Variants in DEFB112 observed in about 807,000 individuals in gnomAD.
DEFB112 encodes beta-defensin 112.
In DEFB112, 2 loss-of-function variants were observed where a neutral mutation model predicts 1.1. The ratio of observed to expected loss-of-function variants is 1.85; its 90% CI spans 0.76 to 5.83. The LOEUF (loss-of-function observed/expected upper bound fraction) is 5.83, where lower values mean the gene tolerates loss of function less well. Among genes scored for constraint, DEFB112 ranks in the 30% most tolerant of loss-of-function variants. DEFB112 has a pLI of 0.05. For missense variants in DEFB112, 120 were observed against 94.4 expected (o/e 1.27, Z -1.12); for synonymous variants, 40 against 31.2 (o/e 1.28, Z -0.93).
At position 50,043,639 on chromosome 6, in the gene DEFB112, T is replaced by C. The variant is rs748821056; in HGVS notation, c.221A>G (p.Asn74Ser). 1.8e-5 allele frequency: 29 copies of C among 1,613,550 alleles called. No individual in the cohort carries two copies. The highest frequency in any genetic ancestry group is 1.7e-4 in the Middle Eastern group (1 of 6,054). The change falls in exon 2 of 2, where the codon AAT becomes AGT. Residue 74 changes from asparagine to serine, a missense_variant. Transcript: ENST00000651554. Reference protein sequence around the residue: ...CVTECDPTDPNNWIPKDSVGT... With the variant: ...CVTECDPTDPSNWIPKDSVGT... ...TACTGAGTCCTTTGGGATCCAATTA[T>C]TTGGGTCCGTAGGGTCACATTCTGT...
intron 1 of DEFB112, among the ~76,000 whole-genome samples, chr6:50,044,774 A>C (rs1774805978): frequency 6.6e-6 from 1 of 152,080 alleles, no homozygotes; most frequent in Non-Finnish European, 1.5e-5. Context: ...ATAAGCATGC[A>C]TTGCTGGACA....
chr6:50,043,427 T>C lies in DEFB112; in HGVS notation c.*148A>G. The C allele has an allele frequency of 3.4e-6, 2 of 588,140 alleles. No individual in the cohort carries two copies. Among genetic ancestry groups the C allele is most frequent in the Non-Finnish European group, 2.9e-6 (1 of 342,738 alleles). The allele number at this position is 588,140 out of a possible 1,614,324, so 36.4% of individuals were successfully genotyped here. A position where few individuals can be genotyped will look rare whatever the true frequency, so the allele number is the denominator to read the frequency against. ...TTCTTTCTTCTAAGCAAGCACAATG[T>C]TTATAAAAATGTCCAGCTGAAATAT... On this transcript the variant is annotated 3_prime_UTR_variant, in exon 2 of 2. Transcript: ENST00000651554.
At chr6:50,048,660 T>C (rs1774878521) in intron 1 of DEFB112, 1 of 1,595,128 alleles carries the variant, frequency 6.3e-7, no homozygotes, top group Non-Finnish European at 8.6e-7. Flanking sequence ...ATAAGAGTGC[T>C]AAGAGGTTGT....
intron 1 of DEFB112, among the ~76,000 whole-genome samples, chr6:50,048,337 C>T (rs1199903558): frequency 6.6e-6 from 1 of 152,064 alleles, no homozygotes; most frequent in African/African-American, 2.4e-5. Context: ...TCAAAAAAAT[C>T]GGCCTCTACA....
chr6:50,048,841 A>T (rs898276947), intron 1 of DEFB112, among the ~76,000 whole-genome samples: 4 of 152,298 alleles, frequency 2.6e-5, no homozygotes, highest in East Asian at 1.9e-4. Context: ...TTAAATGAAT[A>T]AATGACTTGG....
chr6:50,049,544 C>G (rs770259263), intron 1 of DEFB112, among the ~76,000 whole-genome samples: 3 of 151,912 alleles, frequency 2.0e-5, no homozygotes, highest in Non-Finnish European at 2.9e-5. Flanking sequence ...GTGAAATCAA[C>G]GTAGCATTAT....
rs183917579 is a variant in DEFB112, at chr6:50,042,167, G to T, written c.*1408C>A. ...ACAGATACATTAAATTATAGTATAG[G>T]TATACTGTGAGACCCCTGAAGTGGG... On this transcript the variant is annotated 3_prime_UTR_variant, in exon 2 of 2. Transcript: ENST00000651554. Among the ~76,000 whole-genome samples, 508 of 151,912 alleles carry T rather than the reference G, an allele frequency of 3.3e-3. 2 individuals carry two copies. Among genetic ancestry groups the T allele is most frequent in the African/African-American group, 0.011 (472 of 41,464 alleles).
rs1774762596 is a variant in DEFB112 at position 50,042,578 on chromosome 6, T to C, written c.*997A>G. 6.6e-6 allele frequency among the ~76,000 whole-genome samples: 1 copy of C among 152,062 alleles called. No individual in the cohort carries two copies. The highest frequency in any genetic ancestry group is 2.4e-5 in the African/African-American group (1 of 41,438). On this transcript the variant is annotated 3_prime_UTR_variant, in exon 2 of 2. Coordinates refer to ENST00000651554, the MANE Select transcript of DEFB112 (RefSeq NM_001369057.2). ...CAAAGCCTAGAGGACATTCTTTAAG[T>C]AATACTTAGCACATACCAAGCCCTG...
intron 1 of DEFB112, among the ~76,000 whole-genome samples, chr6:50,045,477 A>AT (rs530900342): frequency 1.3e-5 from 2 of 152,054 alleles, no homozygotes; most frequent in African/African-American, 2.4e-5. Context: ...TCAATTATGC[A>AT]TTTTTTATGC....
Position 50,043,664 on chromosome 6 carries a change from T to C in DEFB112, c.196A>G (p.Thr66Ala), listed in dbSNP as rs376821774. The change falls in exon 2 of 2, where the codon ACA becomes GCA. Residue 66 changes from threonine to alanine, a missense_variant. Coordinates refer to ENST00000651554, the MANE Select transcript of DEFB112 (RefSeq NM_001369057.2). ...TTTGGGTCCGTAGGGTCACATTCTG[T>C]CACGCAGCAATGAGTTGTAGGTCTT... is the stretch of plus-strand genomic sequence containing the variant. ...CARPTTHCCV[T>A]ECDPTDPNNW... 52 of 1,613,488 alleles carry C rather than the reference T, an allele frequency of 3.2e-5. No individual in the cohort carries two copies. The African/African-American group carries it at 5.5e-4, about 17-fold the overall frequency.
In DEFB112 at chr6:50,043,483, A is replaced by C; in HGVS notation, c.*92T>G. On this transcript the variant is annotated 3_prime_UTR_variant, in exon 2 of 2. Transcript: ENST00000651554. ...ATTTAATTATTTATTCATTATAGGT[A>C]TGCATGCATGGAAATTATAGGTCAT... is the stretch of plus-strand genomic sequence containing the variant. 6.0e-5 allele frequency: 46 copies of C among 772,900 alleles called. No individual in the cohort carries two copies. The highest frequency in any genetic ancestry group is 8.8e-5 in the Non-Finnish European group (40 of 452,860). 47.9% of individuals were successfully genotyped at this position (772,900 alleles called of 1,614,324 possible).
intron 1 of DEFB112, among the ~76,000 whole-genome samples, chr6:50,048,071 C>T (rs1429517027): frequency 1.3e-5 from 2 of 151,390 alleles, no homozygotes; most frequent in African/African-American, 2.4e-5. Context: ...TGCTTGAACC[C>T]GGGAGACGGT....
intron 1 of DEFB112, among the ~76,000 whole-genome samples, chr6:50,049,262 T>C (rs1774889045): frequency 6.6e-6 from 1 of 152,078 alleles, no homozygotes; most frequent in Non-Finnish European, 1.5e-5. Context: ...CTGAAAGATA[T>C]CTTGATAATC....
intron 1 of DEFB112, among the ~76,000 whole-genome samples, chr6:50,044,125 T>C (rs963765187): frequency 5.3e-5 from 8 of 152,086 alleles, no homozygotes; most frequent in Non-Finnish European, 1.2e-4. Context: ...ACGATCTCCA[T>C]CCTCTCATTT....
intron 1 of DEFB112, chr6:50,048,418 C>G (rs779401887): frequency 1.2e-5 from 10 of 825,752 alleles, no homozygotes; most frequent in Non-Finnish European, 2.0e-5. Flanking sequence ...AGGTGAAAGA[C>G]AAGAACATAT....
intron 1 of DEFB112, among the ~76,000 whole-genome samples, chr6:50,047,357 A>G (rs962017855): frequency 1.3e-5 from 2 of 152,172 alleles, no homozygotes; most frequent in South Asian, 2.1e-4. Context: ...GTTGGGTCCA[A>G]GGCTAATTTC....
At chr6:50,049,533 T>C (rs757701859) in intron 1 of DEFB112, among the ~76,000 whole-genome samples, 8 of 152,128 alleles carry the variant, frequency 5.3e-5, no homozygotes, top group Non-Finnish European at 1.0e-4. Context: ...TTCATGGATC[T>C]GTGAAATCAA....
intron 1 of DEFB112, among the ~76,000 whole-genome samples, chr6:50,044,335 G>A (rs1463623730): frequency 6.6e-6 from 1 of 152,108 alleles, no homozygotes; most frequent in Non-Finnish European, 1.5e-5. Flanking sequence ...ACACTTTGGG[G>A]TGATTAGAAT....
rs546273508 is a variant in DEFB112, at chr6:50,048,420, A to G, written c.58+1392T>C. The G allele has an allele frequency of 9.0e-5, 75 of 829,246 alleles. 1 individual carries two copies. The South Asian group carries it at 1.0e-3, about 11-fold the overall frequency. The allele number at this position is 829,246 out of a possible 1,614,324, so 51.4% of individuals were successfully genotyped here. On this transcript the variant is annotated intron_variant, in intron 1 of 1. Coordinates refer to ENST00000651554, the MANE Select transcript of DEFB112 (RefSeq NM_001369057.2). ...TCATAAAGCTATGAGGTGAAAGACAAGAACATATAAGTAAACAGGGACTGA... is the reference window on the plus strand; with the variant it reads ...TCATAAAGCTATGAGGTGAAAGACAGGAACATATAAGTAAACAGGGACTGA...
Sources: gnomAD v4.1 joint callset for allele counts (sites outside exome capture counted in the v4.1 genomes callset) on GRCh38, gnomAD v4.1.1 for gene constraint, MANE v1.5 for transcripts, NCBI Gene and HGNC (gene_info 2026-07-23, HGNC 2026-07-21) for gene names.